The following NRXN1 variants were observed in gnomAD, a reference collection of about 807,000 sequenced individuals.
The protein encoded by NRXN1 is neurexin-1.
NRXN1 carries 39 observed loss-of-function variants against 150.9 expected under a neutral mutation model. That is an observed-to-expected ratio of 0.26 (90% CI 0.20 to 0.34). The LOEUF is 0.34. Among genes scored for constraint, NRXN1 ranks in the 10% least tolerant of loss-of-function variants. NRXN1 has a pLI of 1.00. For missense variants in NRXN1, 1,815 were observed against 1,949.9 expected (o/e 0.93, Z 1.30); for synonymous variants, 924 against 757.0 (o/e 1.22, Z -3.62).
At chr2:49,984,718 A>ACACACACACAC (rs1680601343) in intron 21 of NRXN1, among the ~76,000 whole-genome samples, 15 of 146,844 alleles carry the variant, frequency 1.0e-4, no homozygotes, top group African/African-American at 3.8e-4. Flanking sequence ...AGAACACACA[A>ACACACACACAC]ACACACACAC....
intron 5 of NRXN1, among the ~76,000 whole-genome samples, chr2:50,655,445 A>G (rs1310942645): frequency 6.6e-6 from 1 of 151,970 alleles, no homozygotes; most frequent in African/African-American, 2.4e-5. Flanking sequence ...GGCTTTTGAG[A>G]AACTCTGAGA....
intron 21 of NRXN1, among the ~76,000 whole-genome samples, chr2:50,012,816 A>G (rs1210421632): frequency 6.6e-6 from 1 of 152,106 alleles, no homozygotes; most frequent in Non-Finnish European, 1.5e-5. Context: ...TTTTTTTATA[A>G]TGTAGTTTTC....
chr2:50,539,855 G>C (rs1240174698), intron 9 of NRXN1, among the ~76,000 whole-genome samples: 2 of 152,158 alleles, frequency 1.3e-5, no homozygotes, highest in Non-Finnish European at 2.9e-5. Context: ...ACAGAAGTAA[G>C]GACAAAAAGA....
intron 5 of NRXN1, among the ~76,000 whole-genome samples, chr2:50,627,800 T>G (rs1681435922): frequency 6.6e-6 from 1 of 151,680 alleles, no homozygotes; most frequent in African/African-American, 2.4e-5. Context: ...GACCCTCAAA[T>G]TCATAAAATG....
intron 18 of NRXN1, among the ~76,000 whole-genome samples, chr2:50,228,011 G>C (rs1241307960): frequency 6.6e-6 from 1 of 151,990 alleles, no homozygotes; most frequent in Non-Finnish European, 1.5e-5. Context: ...AAATGCTTCT[G>C]ATGGAAAATT....
intron 17 of NRXN1, among the ~76,000 whole-genome samples, chr2:50,412,850 A>C (rs1394498623): frequency 1.3e-5 from 2 of 152,212 alleles, no homozygotes; most frequent in Non-Finnish European, 2.9e-5. Context: ...CAATCTCTTC[A>C]AGAAATGGTG....
At chr2:50,899,174 C>G (rs1682513547) in intron 5 of NRXN1, among the ~76,000 whole-genome samples, 1 of 152,130 alleles carries the variant, frequency 6.6e-6, no homozygotes, top group Admixed American at 6.5e-5. Flanking sequence ...CTGATTTTCA[C>G]TTACTTCCAA....
At chr2:50,657,115 G>A (rs538916789) in intron 5 of NRXN1, among the ~76,000 whole-genome samples, 70 of 152,070 alleles carry the variant, frequency 4.6e-4, no homozygotes, top group Admixed American at 1.2e-3. Flanking sequence ...AGGATAGCCC[G>A]TAACTCTATA....
intron 18 of NRXN1, among the ~76,000 whole-genome samples, chr2:50,127,324 G>C (rs1704744977): frequency 6.6e-6 from 1 of 151,992 alleles, no homozygotes; most frequent in Non-Finnish European, 1.5e-5. Context: ...ATAAATATCA[G>C]CCAAACTCAA....
chr2:50,660,950 T>C (rs900030286), intron 5 of NRXN1, among the ~76,000 whole-genome samples: 1 of 152,032 alleles, frequency 6.6e-6, no homozygotes, highest in African/African-American at 2.4e-5. Context: ...CATGTCTGCA[T>C]ATACATCTTA....
At chr2:50,071,351 C>CT (rs1291390688) in intron 19 of NRXN1, among the ~76,000 whole-genome samples, 2 of 152,152 alleles carry the variant, frequency 1.3e-5, no homozygotes, top group South Asian at 2.1e-4. Context: ...ATGGTGAAGC[C>CT]TTAACCCCTA....
chr2:50,877,987 T>A (rs987832904), intron 5 of NRXN1, among the ~76,000 whole-genome samples: 5 of 151,716 alleles, frequency 3.3e-5, no homozygotes, highest in African/African-American at 1.2e-4. Context: ...CTCATCCACC[T>A]CTAATGTTAG....
At chr2:50,740,951 A>G (rs1271483500) in intron 5 of NRXN1, among the ~76,000 whole-genome samples, 2 of 152,138 alleles carry the variant, frequency 1.3e-5, no homozygotes, top group African/African-American at 4.8e-5. Flanking sequence ...AAACAATTAG[A>G]TATGATCACC....
At chr2:50,490,203 G>A (rs753239165) in intron 15 of NRXN1, among the ~76,000 whole-genome samples, 10 of 152,062 alleles carry the variant, frequency 6.6e-5, no homozygotes, top group South Asian at 4.2e-4. Flanking sequence ...CCTGAACCTC[G>A]GCTCATCCAT....
chr2:50,270,608 C>T (rs957017124), intron 17 of NRXN1, among the ~76,000 whole-genome samples: 6 of 151,618 alleles, frequency 4.0e-5, no homozygotes, highest in Non-Finnish European at 7.4e-5. Flanking sequence ...CACAGTTTAT[C>T]GACACCGTGA....
chr2:50,498,972 C>T (rs79439876), intron 13 of NRXN1, among the ~76,000 whole-genome samples: 18 of 152,294 alleles, frequency 1.2e-4, no homozygotes, highest in Non-Finnish European at 2.5e-4. Context: ...GAATCAGCCC[C>T]TGAGAAAATG....
At chr2:50,604,736 G>C (rs1676822636) in intron 8 of NRXN1, among the ~76,000 whole-genome samples, 1 of 152,068 alleles carries the variant, frequency 6.6e-6, no homozygotes, top group African/African-American at 2.4e-5. Flanking sequence ...CGTTGCAATA[G>C]AATGTAGCAT....
At chr2:50,846,006 C>T (rs1673593570) in intron 5 of NRXN1, among the ~76,000 whole-genome samples, 1 of 152,296 alleles carries the variant, frequency 6.6e-6, no homozygotes, top group Non-Finnish European at 1.5e-5. Flanking sequence ...TTAGAGATTA[C>T]TGTTTCTGTG....
At chr2:50,128,058 C>G (rs1433022142) in intron 18 of NRXN1, among the ~76,000 whole-genome samples, 1 of 152,148 alleles carries the variant, frequency 6.6e-6, no homozygotes, top group African/African-American at 2.4e-5. Flanking sequence ...ATATTTAAAA[C>G]AGCTGAAAGA....
Sources: gnomAD v4.1 joint callset for allele counts (sites outside exome capture counted in the v4.1 genomes callset) on GRCh38, gnomAD v4.1.1 for gene constraint, MANE v1.5 for transcripts, NCBI Gene and HGNC (gene_info 2026-07-23, HGNC 2026-07-21) for gene names.